CENPE: variants seen among roughly 807,000 people sequenced by gnomAD.
CENPE encodes centromere protein E, also known as centromere-associated protein E.
In CENPE, 145 loss-of-function variants were observed where a neutral mutation model predicts 336.1. The ratio of observed to expected loss-of-function variants is 0.43; its 90% CI spans 0.38 to 0.50. CENPE has a LOEUF of 0.50. CENPE is among the 20% of genes least tolerant of loss of function. The pLI is 0.00. For synonymous variants in CENPE, 1,013 were observed against 984.8 expected, an observed-to-expected ratio of 1.03 and a Z score of -0.54; for missense variants, 2,719 against 3,023.3, an observed-to-expected ratio of 0.90 and a Z score of 2.36.
chr4:103,160,602 T>A, intron 21 of CENPE, 23 bp downstream of exon 21: 13 of 1,581,718 alleles, frequency 8.2e-6, no homozygotes, highest in Non-Finnish European at 1.0e-5. Context: ...AAATAAGGGA[T>A]AAGTGCTTAT....
chr4:103,158,091 C>T lies in CENPE; in HGVS notation c.3033+209G>A, dbSNP rs573066138. Among the ~76,000 whole-genome samples the T allele has an allele frequency of 5.3e-5, 8 of 151,942 alleles. 1 individual carries two copies. The highest frequency in any genetic ancestry group is 1.3e-4 in the Admixed American group (2 of 15,258). ...CAGCTATGCAAAATTTGGACTAATA[C>T]ATTTTTGGGCCCTTTCCCTTTCTAA... On this transcript the variant is annotated intron_variant, in intron 24 of 48. Transcript: ENST00000265148.
At chr4:103,114,218 A>G (rs940520961) in intron 46 of CENPE, among the ~76,000 whole-genome samples, 25 of 152,204 alleles carry the variant, frequency 1.6e-4, no homozygotes, top group Non-Finnish European at 3.4e-4. Flanking sequence ...AGATTTGACA[A>G]TACAAAAGCA....
chr4:103,187,441 G>C lies in CENPE; in HGVS notation c.694-1580C>G, dbSNP rs1030746934. On this transcript the variant is annotated intron_variant, in intron 8 of 48. Coordinates refer to ENST00000265148, the MANE Select transcript of CENPE (RefSeq NM_001813.3). ...CAAAGGGAAGCCCATCAGACTAACAGCTGATCTCTCAGCAGAAACTCTACA... is the reference window on the plus strand; with the variant it reads ...CAAAGGGAAGCCCATCAGACTAACACCTGATCTCTCAGCAGAAACTCTACA... Among the ~76,000 whole-genome samples the C allele has an allele frequency of 2.2e-4, 33 of 152,294 alleles. 1 individual carries two copies. Among genetic ancestry groups the C allele is most frequent in the South Asian group, 2.1e-3 (10 of 4,832 alleles).
At chr4:103,186,146 C>A (rs1370521757) in intron 8 of CENPE, among the ~76,000 whole-genome samples, 1 of 152,176 alleles carries the variant, frequency 6.6e-6, no homozygotes, top group African/African-American at 2.4e-5. Context: ...GGCACTTGCA[C>A]TGCTCCAACT....
At chr4:103,159,592 G>A (rs1373300515) in intron 21 of CENPE, among the ~76,000 whole-genome samples, 1 of 151,730 alleles carries the variant, frequency 6.6e-6, no homozygotes, top group African/African-American at 2.4e-5. Context: ...TAATCAGATT[G>A]TCTTTATTTC....
At chr4:103,108,221 G>T (rs372899669) in intron 48 of CENPE, among the ~76,000 whole-genome samples, 85 of 147,872 alleles carry the variant, frequency 5.7e-4, no homozygotes, top group African/African-American at 2.0e-3. Flanking sequence ...ATAGTCTTTT[G>T]TACTTGCACT....
intron 25 of CENPE, among the ~76,000 whole-genome samples, chr4:103,152,156 T>C (rs188655888): frequency 3.0e-4 from 46 of 152,142 alleles, no homozygotes; most frequent in African/African-American, 1.1e-3. Flanking sequence ...GAGAAACATT[T>C]AGGAACAAAT....
chr4:103,186,222 G>A (rs760673430), intron 8 of CENPE, among the ~76,000 whole-genome samples: 2 of 152,082 alleles, frequency 1.3e-5, no homozygotes, highest in Non-Finnish European at 2.9e-5. Context: ...AACACCCCAT[G>A]TACTTCTACA....
rs560971961 is a variant in CENPE, at chr4:103,122,944, G to C, written c.7070C>G (p.Ala2357Gly). Residue 2357 changes from alanine (A) to glycine (G), a missense_variant, in exon 43 of 49, where the codon GCC (alanine) becomes GGC (glycine). This residue lies in a region of CENPE where 2,437 missense variants were observed against 2,513.3 expected (regional missense o/e 0.97). Transcript: ENST00000265148. Reference protein sequence around the residue: ...QTLKTSLASGAQVNPTTQDNK... With the variant: ...QTLKTSLASGGQVNPTTQDNK... Reference sequence around the variant, plus strand: ...GTCTTGTGTGGTAGGATTAACCTGGGCACCAGATGCCAAGGAAGTCTTCAA... The same window carrying C: ...GTCTTGTGTGGTAGGATTAACCTGGCCACCAGATGCCAAGGAAGTCTTCAA... 3 of 1,613,920 alleles carry C rather than the reference G, an allele frequency of 1.9e-6. No homozygotes were observed. Among genetic ancestry groups the C allele is most frequent in the Non-Finnish European group, 2.5e-6 (3 of 1,179,844 alleles).
chr4:103,127,341 C>A (rs1392808755), intron 42 of CENPE, among the ~76,000 whole-genome samples: 1 of 151,906 alleles, frequency 6.6e-6, no homozygotes, highest in East Asian at 1.9e-4. Context: ...TAATTCTATT[C>A]CATGTAAAAT....
chr4:103,195,805 A>C (rs1757687823), intron 4 of CENPE, 115 bp downstream of exon 4: 1 of 715,702 alleles, frequency 1.4e-6, no homozygotes, highest in Non-Finnish European at 2.5e-6. Flanking sequence ...TGGATAATCA[A>C]ACAATAACTG....
Position 103,122,903 on chromosome 4 carries a change from C to G in CENPE, c.7111G>C (p.Val2371Leu). The change falls in exon 43 of 49, where the codon GTT becomes CTT. Residue 2371 changes from valine (V) to leucine (L), a missense_variant. By Grantham distance (32) the Val-to-Leu change is conservative. Around this residue, in one of 5 missense-constraint regions of CENPE, gnomAD observed 2,437 missense variants for 2,513.3 expected, o/e 0.97. Transcript: ENST00000265148. ...PTTQDNKNPH[V>L]TSRATQLTTE... ...GTTAACTGTGTAGCTCTTGATGTAA[C>G]ATGAGGATTCTTATTGTCTTGTGTG... 6.2e-7 allele frequency: 1 copy of G among 1,613,636 alleles called. No individual in the cohort carries two copies. The highest frequency in any genetic ancestry group is 8.5e-7 in the Non-Finnish European group (1 of 1,179,588).
In CENPE at chr4:103,196,206, T is replaced by C; in HGVS notation, c.195A>G (p.Glu65=). The C allele has an allele frequency of 6.2e-7, 1 of 1,613,886 alleles. No individual in the cohort carries two copies. Among genetic ancestry groups the C allele is most frequent in the Non-Finnish European group, 8.5e-7 (1 of 1,179,826 alleles). The change falls in exon 3 of 49, where the codon GAA becomes GAG. Residue 65 remains glutamate (E), a synonymous_variant. Transcript: ENST00000265148. ...CAGAATCGATGATTGGTGCTGCTAT[T>C]TCTTCATACACATTTTTGGTAGTTT... The part of the protein sequence containing the change: ...GNETTKNVYE[E]IAAPIIDSAI...
In CENPE at chr4:103,163,239, T is replaced by C. The variant is rs373692320; in HGVS notation, c.1740A>G (p.Lys580=). Residue 580 remains lysine, a synonymous_variant, in exon 18 of 49, where the codon AAA becomes AAG. Coordinates refer to ENST00000265148, the MANE Select transcript of CENPE (RefSeq NM_001813.3). The stretch of plus-strand genomic sequence containing the variant: ...CTTCCTTTTCTCTAAGCAGCTCTAC[T>C]TTTGAACTGAGTTCATTCTAAAAGA... ...NQDLENELSS[K]VELLREKEDQ... 5.0e-6 allele frequency: 8 copies of C among 1,608,700 alleles called. No individual in the cohort carries two copies. The African/African-American group carries it at 1.1e-4, about 22-fold the overall frequency.
intron 43 of CENPE, among the ~76,000 whole-genome samples, chr4:103,121,318 TCTC>T (rs1348799487): frequency 3.3e-5 from 5 of 152,244 alleles, no homozygotes; most frequent in Admixed American, 6.5e-5. Flanking sequence ...CACATAGATC[TCTC>T]CTATTTTTTG....
chr4:103,144,658 T>A lies in CENPE; in HGVS notation c.4858-40A>T, dbSNP rs749824818. The stretch of plus-strand genomic sequence containing the variant: ...AAGTAAGTTACAACATAGGCAGAAT[T>A]TTTTTAGGAAAAGGAAGAACTGTTC... On this transcript the variant is annotated intron_variant, in intron 32 of 48. Transcript: ENST00000265148. 11 of 1,408,446 alleles carry A rather than the reference T, an allele frequency of 7.8e-6. No individual in the cohort carries two copies. The South Asian group carries it at 1.4e-4, about 18-fold the overall frequency. 87.2% of individuals were successfully genotyped at this position (1,408,446 alleles called of 1,614,324 possible).
chr4:103,183,010 A>T (rs1005559013), intron 10 of CENPE, 119 bp from the exon 11 acceptor site: 1 of 1,088,708 alleles, frequency 9.2e-7, no homozygotes, highest in Non-Finnish European at 1.3e-6. Context: ...TTTACAAGTT[A>T]TATGAGGCAG....
At chr4:103,110,600 A>C (rs1749315712) in intron 47 of CENPE, among the ~76,000 whole-genome samples, 1 of 152,046 alleles carries the variant, frequency 6.6e-6, no homozygotes, top group Non-Finnish European at 1.5e-5. Flanking sequence ...TTTCTTTCCT[A>C]TTTCTTGCCT....
chr4:103,175,468 A>G (rs1755780106), intron 15 of CENPE, among the ~76,000 whole-genome samples: 1 of 152,102 alleles, frequency 6.6e-6, no homozygotes, highest in Non-Finnish European at 1.5e-5. Context: ...AATAATAAGT[A>G]GTAATGCAAT....
Sources: allele counts gnomAD v4.1 joint callset (sites outside exome capture counted in the v4.1 genomes callset), GRCh38; gene constraint gnomAD v4.1.1; regional missense constraint gnomAD v4.1.1; transcripts MANE v1.5; gene names NCBI Gene and HGNC (gene_info 2026-07-23, HGNC 2026-07-21).